ZNF334: variants seen among roughly 807,000 people sequenced by gnomAD.
ZNF334 encodes zinc finger protein 334.
ZNF334 carries 14 observed loss-of-function variants against 12.4 expected under a neutral mutation model. That is an observed-to-expected ratio of 1.13 (90% CI 0.74 to 1.76). The LOEUF (loss-of-function observed/expected upper bound fraction) is 1.76, where lower values mean the gene tolerates loss of function less well. ZNF334 is among the 40% of genes most tolerant of loss of function. The probability of loss-of-function intolerance (pLI) is 0.00; values close to 1 mark genes in which losing one functional copy is unlikely to be tolerated. For synonymous variants in ZNF334, 273 were observed against 269.6 expected, an observed-to-expected ratio of 1.01 and a Z score of -0.12; for missense variants, 797 against 804.5, an observed-to-expected ratio of 0.99 and a Z score of 0.11.
intron 2 of ZNF334, among the ~76,000 whole-genome samples, chr20:46,510,672 G>C (rs1359377484): frequency 6.6e-6 from 1 of 151,446 alleles, no homozygotes; most frequent in East Asian, 1.9e-4. Context: ...GCAGGAGAAT[G>C]GTGTGAACCC....
rs746843503 is a variant in ZNF334 at position 46,501,402 on chromosome 20, T to C, written c.1937A>G (p.His646Arg). The change falls in exon 5 of 5, where the codon CAT becomes CGT. Residue 646 changes from histidine to arginine, a missense_variant. His to Arg is a conservative substitution (Grantham distance 29, BLOSUM62 0). Transcript: ENST00000692313. ...TYRRLWTLTE[H>R]QKIHTGEKPY... The stretch of plus-strand genomic sequence containing the variant: ...TTTCTCTCCTGTGTGTATTTTCTGA[T>C]GTTCAGTGAGAGTCCACAGGCGACG... 5 of 1,614,074 alleles carry C rather than the reference T, an allele frequency of 3.1e-6. No individual in the cohort carries two copies. The East Asian group carries it at 8.9e-5, about 29-fold the overall frequency.
chr20:46,502,706 A>T lies in ZNF334; in HGVS notation c.633T>A (p.Tyr211Ter). 1 of 1,613,422 alleles carries T rather than the reference A, an allele frequency of 6.2e-7. No homozygotes were observed. The highest frequency in any genetic ancestry group is 8.5e-7 in the Non-Finnish European group (1 of 1,179,990). ...NIQILKQPFD[Y>*]NKCGKTFFKR... Reference sequence around the variant, plus strand: ...TGAAGAAGGTTTTCCCACATTTATTATAGTCAAACGGTTGTTTCAAAATCT... The same window carrying T: ...TGAAGAAGGTTTTCCCACATTTATTTTAGTCAAACGGTTGTTTCAAAATCT... Residue 211 changes from tyrosine (Y) to a stop codon, truncating the protein, a stop_gained, in exon 5 of 5, where the codon TAT becomes TAA. Coordinates refer to ENST00000692313, the MANE Select transcript of ZNF334 (RefSeq NM_001353824.2). LOFTEE classifies it low-confidence loss of function (END_TRUNC).
At chr20:46,471,373 T>C in the ZNF334 span, among the ~76,000 whole-genome samples, 1 of 152,190 alleles carries the variant, frequency 6.6e-6, no homozygotes, top group Non-Finnish European at 1.5e-5. Context: ...GTCAGGTATA[T>C]TTATTACCAA....
chr20:46,503,807 C>T (rs150322735), intron 4 of ZNF334, among the ~76,000 whole-genome samples: 4 of 152,056 alleles, frequency 2.6e-5, no homozygotes, highest in Non-Finnish European at 5.9e-5. Flanking sequence ...AAAGGGAAAC[C>T]GTGTTATTTC....
chr20:46,502,752 A>G lies in ZNF334; in HGVS notation c.587T>C (p.Leu196Pro), dbSNP rs773455493. ...AATCTGAATGTTCTGGTGCAGAATAAGATTTTCGTTTTGATTGCTGGCTTT... is the reference window on the plus strand; with the variant it reads ...AATCTGAATGTTCTGGTGCAGAATAGGATTTTCGTTTTGATTGCTGGCTTT... Reference protein sequence around the residue: ...MRKASNQNENLILHQNIQILK... With the variant: ...MRKASNQNENPILHQNIQILK... The change falls in exon 5 of 5, where the codon CTT becomes CCT. Residue 196 changes from leucine (L) to proline (P), a missense_variant. Physicochemically the swap from Leu to Pro is moderately conservative, Grantham distance 98. Coordinates refer to ENST00000692313, the MANE Select transcript of ZNF334 (RefSeq NM_001353824.2). 2.5e-6 allele frequency: 4 copies of G among 1,613,884 alleles called. No individual in the cohort carries two copies. In the Admixed American group the frequency reaches 5.0e-5, roughly 20 times the overall value.
chr20:46,503,085 GCATCAT>G lies in ZNF334; in HGVS notation c.248_253del (p.Asp83_Asp84del). The G allele has an allele frequency of 1.3e-6, 2 of 1,597,060 alleles. No homozygotes were observed. The highest frequency in any genetic ancestry group is 1.7e-6 in the Non-Finnish European group (2 of 1,171,944). ...TTGGATTTCCTTGTTCTTCTCTAAG[GCATCAT>G]CAATGTCTAGAAAAAGGAACACAAT... On this transcript the variant is annotated inframe_deletion, in exon 5 of 5. Coordinates refer to ENST00000692313, the MANE Select transcript of ZNF334 (RefSeq NM_001353824.2).
At chr20:46,478,909 T>C in the ZNF334 span, among the ~76,000 whole-genome samples, 2 of 152,148 alleles carry the variant, frequency 1.3e-5, no homozygotes, top group Non-Finnish European at 2.9e-5. Context: ...GGCCTTTGGA[T>C]GCAAGTGAGC....
At chr20:46,480,300 CCCTCCTATCA>C in the ZNF334 span, among the ~76,000 whole-genome samples, 50 of 152,150 alleles carry the variant, frequency 3.3e-4, no homozygotes, top group Non-Finnish European at 5.6e-4. Context: ...GCTTTCCATA[CCCTCCTATCA>C]TTCCCAACCC....
rs1207753370 is a variant in ZNF334, at chr20:46,502,263, C to T, written c.1076G>A (p.Ser359Asn). 1 of 1,614,060 alleles carries T rather than the reference C, an allele frequency of 6.2e-7. No individual in the cohort carries two copies. Among genetic ancestry groups the T allele is most frequent in the Admixed American group, 1.7e-5 (1 of 60,014 alleles). ...ATGTACAACAAGATACGATTTCTTG[C>T]TGAAGGCATTTCCACATTCCTTGCA... The part of the protein sequence containing the change: ...YECKECGNAF[S>N]KKSYLVVHQR... The change falls in exon 5 of 5, where the codon AGC becomes AAC. Residue 359 changes from serine (S) to asparagine (N), a missense_variant. Ser to Asn is a conservative substitution (Grantham distance 46). Transcript: ENST00000692313.
At chr20:46,465,043 T>A in the ZNF334 span, 1 of 338,280 alleles carries the variant, frequency 3.0e-6, no homozygotes, top group Non-Finnish European at 5.9e-6. Flanking sequence ...CCATGTGGAC[T>A]GTCAGAGAGG....
chr20:46,486,226 T>C, the ZNF334 span, among the ~76,000 whole-genome samples: 1 of 152,228 alleles, frequency 6.6e-6, no homozygotes, highest in Non-Finnish European at 1.5e-5. Flanking sequence ...TGTCATTATG[T>C]GCTAGACAGC....
chr20:46,493,559 G>A, the ZNF334 span, among the ~76,000 whole-genome samples: 1 of 152,194 alleles, frequency 6.6e-6, no homozygotes, highest in South Asian at 2.1e-4. Flanking sequence ...TGAGGTGGGT[G>A]GATCACTTGA....
chr20:46,508,682 T>C (rs1363211128), intron 2 of ZNF334, among the ~76,000 whole-genome samples: 5 of 152,172 alleles, frequency 3.3e-5, no homozygotes, highest in Non-Finnish European at 5.9e-5. Flanking sequence ...GGGATGCTGT[T>C]GGCATTTGGT....
rs752799198 is a variant in ZNF334, at chr20:46,502,354, T to C, written c.985A>G (p.Thr329Ala). The C allele has an allele frequency of 1.2e-6, 2 of 1,613,954 alleles. No individual in the cohort carries two copies. Among genetic ancestry groups the C allele is most frequent in the Middle Eastern group, 1.6e-4 (1 of 6,084 alleles). ...KSYECNECGK[T>A]FFRKSALAEH... ...GCCAGGGCTGACTTCCGAAAAAAGG[T>C]CTTTCCACATTCATTACACTCATAG... The change falls in exon 5 of 5, where the codon ACC (threonine) becomes GCC (alanine). Residue 329 changes from threonine (T) to alanine (A), a missense_variant. Physicochemically the swap from Thr to Ala is moderately conservative, Grantham distance 58 (BLOSUM62 0). Coordinates refer to ENST00000692313, the MANE Select transcript of ZNF334 (RefSeq NM_001353824.2).
the ZNF334 span, among the ~76,000 whole-genome samples, chr20:46,479,000 C>A: frequency 6.6e-6 from 1 of 152,188 alleles, no homozygotes; most frequent in Non-Finnish European, 1.5e-5. Context: ...CCCTGGCCAC[C>A]CTCAGTCTCT....
At chr20:46,510,404 T>C (rs1265438673) in intron 2 of ZNF334, among the ~76,000 whole-genome samples, 2 of 151,834 alleles carry the variant, frequency 1.3e-5, no homozygotes, top group Non-Finnish European at 2.9e-5. Flanking sequence ...CAAACAGGTA[T>C]GGTAGGACGT....
At chr20:46,511,803 A>C (rs1368870241) in intron 2 of ZNF334, among the ~76,000 whole-genome samples, 1 of 152,140 alleles carries the variant, frequency 6.6e-6, no homozygotes, top group Non-Finnish European at 1.5e-5. Flanking sequence ...TACTTCACTT[A>C]CTCAAAGATC....
the ZNF334 span, chr20:46,490,851 C>T: frequency 3.9e-5 from 6 of 152,148 alleles, no homozygotes; most frequent in South Asian, 2.1e-4. Context: ...GCATTGGCAA[C>T]GTTTCGTGCC....
At position 46,502,495 on chromosome 20, in the gene ZNF334, G is replaced by C. The variant is rs142032148; in HGVS notation, c.844C>G (p.Arg282Gly). Residue 282 changes from arginine to glycine, a missense_variant, in exon 5 of 5, where the codon CGA becomes GGA. By Grantham distance (125) the Arg-to-Gly change is moderately radical. Coordinates refer to ENST00000692313, the MANE Select transcript of ZNF334 (RefSeq NM_001353824.2). ...TCTCCAGTATGAATTCTTCGGTGTC[G>C]AGTGAGGCTTGTCTTCACACGAAAA... ...KTFRVKTSLT[R>G]HRRIHTGERP... 7 of 1,613,346 alleles carry C rather than the reference G, an allele frequency of 4.3e-6. No homozygotes were observed. The highest frequency in any genetic ancestry group is 5.9e-6 in the Non-Finnish European group (7 of 1,179,700).
Sources: allele counts gnomAD v4.1 joint callset (sites outside exome capture counted in the v4.1 genomes callset), GRCh38; gene constraint gnomAD v4.1.1; transcripts MANE v1.5; gene names NCBI Gene and HGNC (gene_info 2026-07-23, HGNC 2026-07-21).